The following FGD6 variants were observed in gnomAD, a reference collection of about 807,000 sequenced individuals.
The protein encoded by FGD6 is FYVE, RhoGEF and PH domain containing 6.
In FGD6, 90 loss-of-function variants were observed where a neutral mutation model predicts 149.4. The observed-to-expected ratio is 0.60, with a 90% CI of 0.51 to 0.72. The LOEUF (loss-of-function observed/expected upper bound fraction) is 0.72. FGD6 is among the 30% of genes least tolerant of loss of function. FGD6 has a pLI of 0.00. For synonymous variants in FGD6, 527 were observed against 584.0 expected, an observed-to-expected ratio of 0.90 and a Z score of 1.41; for missense variants, 1,437 against 1,684.8, an observed-to-expected ratio of 0.85 and a Z score of 2.57.
At chr12:95,089,855 A>G (rs961455896) in intron 17 of FGD6, among the ~76,000 whole-genome samples, 159 bp from the exon 18 acceptor site, 5 of 152,304 alleles carry the variant, frequency 3.3e-5, no homozygotes, top group South Asian at 2.1e-4. Context: ...CTGGGAGTTG[A>G]GTGGCAGGAA....
At chr12:95,177,908 A>ATTTATTTATTTATTT (rs1881178533) in intron 2 of FGD6, among the ~76,000 whole-genome samples, 1 of 142,302 alleles carries the variant, frequency 7.0e-6, no homozygotes, top group African/African-American at 2.7e-5. Flanking sequence ...TTTAAACAAC[A>ATTTATTTATTTATTT]ATTTATTTAT....
At chr12:95,084,403 A>T in intron 20 of FGD6, 95 bp downstream of exon 20, 1 of 996,788 alleles carries the variant, frequency 1.0e-6, no homozygotes, top group Non-Finnish European at 1.4e-6. Flanking sequence ...GTAAATTTTG[A>T]GTTGTCCCCA....
At chr12:95,101,244 G>A (rs1378169196) in intron 14 of FGD6, among the ~76,000 whole-genome samples, 1 of 152,106 alleles carries the variant, frequency 6.6e-6, no homozygotes, top group Non-Finnish European at 1.5e-5. Flanking sequence ...TGACTCGGAA[G>A]GCTAGGGCAG....
chr12:95,197,590 A>G (rs1187803257), intron 2 of FGD6, among the ~76,000 whole-genome samples: 2 of 152,178 alleles, frequency 1.3e-5, no homozygotes, highest in Non-Finnish European at 2.9e-5. Context: ...TCCCTAAGTT[A>G]ATAAGGGTAT....
chr12:95,206,685 C>A (rs1265738309), intron 2 of FGD6, among the ~76,000 whole-genome samples: 2 of 148,264 alleles, frequency 1.3e-5, no homozygotes, highest in African/African-American at 5.0e-5. Flanking sequence ...AGAGAGGGGA[C>A]CCTGTCTCCA....
At chr12:95,143,727 G>A (rs1592850136) in intron 5 of FGD6, among the ~76,000 whole-genome samples, 4 of 152,184 alleles carry the variant, frequency 2.6e-5, no homozygotes, top group Non-Finnish European at 5.9e-5. Context: ...AAATCATTAG[G>A]CTGTCTGCTA....
intron 6 of FGD6, among the ~76,000 whole-genome samples, chr12:95,138,555 GAA>G (rs568018603): frequency 8.5e-6 from 1 of 117,246 alleles, no homozygotes; most frequent in African/African-American, 3.2e-5. Context: ...AAAAGAAAAA[GAA>G]AAAAAAAAAA....
chr12:95,099,346 G>A (rs1488533028), intron 14 of FGD6, among the ~76,000 whole-genome samples: 3 of 152,164 alleles, frequency 2.0e-5, no homozygotes, highest in Non-Finnish European at 4.4e-5. Context: ...GTCACACGCA[G>A]ATCCGTGCTG....
chr12:95,100,427 G>C (rs185259969), intron 14 of FGD6: 200 of 263,256 alleles, frequency 7.6e-4, no homozygotes, highest in Middle Eastern at 5.6e-3. Context: ...CTAAGCCCCA[G>C]ACTACTAACA....
At chr12:95,163,190 C>G (rs184259400) in intron 3 of FGD6, among the ~76,000 whole-genome samples, 1 of 152,292 alleles carries the variant, frequency 6.6e-6, no homozygotes, top group East Asian at 1.9e-4. Context: ...TGTGTACTCT[C>G]TAACCCACCA....
At chr12:95,124,843 T>C (rs1472618559) in intron 8 of FGD6, among the ~76,000 whole-genome samples, 1 of 152,204 alleles carries the variant, frequency 6.6e-6, no homozygotes, top group African/African-American at 2.4e-5. Flanking sequence ...GATATTTTTA[T>C]AGCATATTAC....
intron 2 of FGD6, among the ~76,000 whole-genome samples, chr12:95,193,007 G>T (rs971716699): frequency 1.3e-5 from 2 of 151,612 alleles, no homozygotes; most frequent in Non-Finnish European, 2.9e-5. Flanking sequence ...ACTACCAAGT[G>T]CTGGTGAGGT....
At position 95,209,063 on chromosome 12, in the gene FGD6, T is replaced by C. The variant is rs1386408999; in HGVS notation, c.2221A>G (p.Thr741Ala). The change falls in exon 2 of 21, where the codon ACA (threonine) becomes GCA (alanine). Residue 741 changes from threonine (T) to alanine (A), a missense_variant. Around this residue, in one of 2 missense-constraint regions of FGD6, gnomAD observed 1,055 missense variants for 1,146.0 expected, o/e 0.92. Coordinates refer to ENST00000343958, the MANE Select transcript of FGD6 (RefSeq NM_018351.4). ...SSSQAPYKSV[T>A]SLCAPEYENI... ...TCATACTCCGGTGCACAGAGGCTTG[T>C]AACAGACTTGTAAGGTGCCTGAGAT... 1 of 1,614,200 alleles carries C rather than the reference T, an allele frequency of 6.2e-7. No homozygotes were observed. Among genetic ancestry groups the C allele is most frequent in the East Asian group, 2.2e-5 (1 of 44,892 alleles).
intron 7 of FGD6, among the ~76,000 whole-genome samples, chr12:95,136,667 C>A (rs1879675495): frequency 6.6e-6 from 1 of 152,184 alleles, no homozygotes; most frequent in Non-Finnish European, 1.5e-5. Flanking sequence ...AATATAAATT[C>A]TATTTCCCAT....
chr12:95,144,694 C>CT lies in FGD6; in HGVS notation c.2686-3156dup, dbSNP rs1003355993. ...GGCATGAGCCACGGCGCCCAGCTTA[C>CT]TTTTTTTTTTGAGAAAGAGTTTTGC... On this transcript the variant is annotated intron_variant, in intron 5 of 20. Transcript: ENST00000343958. 3.9e-4 allele frequency among the ~76,000 whole-genome samples: 53 copies of CT among 137,412 alleles called. No homozygotes were observed. The South Asian group carries it at 6.1e-3, about 16-fold the overall frequency. The allele number at this position is 137,412 out of a possible 152,430, so 90.1% of individuals were successfully genotyped here. A position where few individuals can be genotyped will look rare whatever the true frequency, so the allele number is the denominator to read the frequency against.
rs1226654480 is a variant in FGD6, at chr12:95,077,386, G to C, written c.*4134C>G. The C allele has an allele frequency of 6.6e-6, 1 of 152,342 alleles. No homozygotes were observed. Among genetic ancestry groups the C allele is most frequent in the Non-Finnish European group, 1.5e-5 (1 of 68,132 alleles). The allele number at this position is 152,342 out of a possible 1,614,324, so 9.4% of individuals were successfully genotyped here. The stretch of plus-strand genomic sequence containing the variant: ...AGTCTGGAGGAATAGGGGAGAGAAA[G>C]ACTAAGGGTCAGCTATCACAGAGAA... On this transcript the variant is annotated 3_prime_UTR_variant, in exon 21 of 21. Coordinates refer to ENST00000343958, the MANE Select transcript of FGD6 (RefSeq NM_018351.4).
intron 3 of FGD6, among the ~76,000 whole-genome samples, chr12:95,157,553 C>T (rs571637082): frequency 1.5e-3 from 124 of 85,452 alleles, no homozygotes; most frequent in Admixed American, 5.6e-3. Context: ...GCGACAAGAG[C>T]AAAACTCTGT....
chr12:95,085,819 G>A lies in FGD6; in HGVS notation c.4068C>T (p.Val1356=). 2 of 1,613,632 alleles carry A rather than the reference G, an allele frequency of 1.2e-6. No homozygotes were observed. Among genetic ancestry groups the A allele is most frequent in the Non-Finnish European group, 1.7e-6 (2 of 1,179,862 alleles). Residue 1356 remains valine (V), a synonymous_variant, in exon 19 of 21, where the codon GTC becomes GTT. Coordinates refer to ENST00000343958, the MANE Select transcript of FGD6 (RefSeq NM_018351.4). ...ATGTATATAGTACTTTATTTTTTATGACAAACCAAAAGTGTTTCCAGGGTT... is the reference window on the plus strand; with the variant it reads ...ATGTATATAGTACTTTATTTTTTATAACAAACCAAAAGTGTTTCCAGGGTT... ...NKKPWKHFWF[V]IKNKVLYTYA... is the part of the protein sequence containing the mutation.
At chr12:95,084,739 T>G in intron 19 of FGD6, 93 bp from the exon 20 acceptor site, 1 of 1,013,894 alleles carries the variant, frequency 9.9e-7, no homozygotes, top group Non-Finnish European at 1.4e-6. Context: ...TAATTTAATT[T>G]CAATTATTCA....
Sources: allele counts gnomAD v4.1 joint callset (sites outside exome capture counted in the v4.1 genomes callset), GRCh38; gene constraint gnomAD v4.1.1; regional missense constraint gnomAD v4.1.1; transcripts MANE v1.5; gene names NCBI Gene and HGNC (gene_info 2026-07-23, HGNC 2026-07-21).